The following KATNAL1 variants were observed in gnomAD, a reference collection of about 807,000 sequenced individuals.
The protein encoded by KATNAL1 is katanin p60 ATPase-containing subunit A-like 1.
A neutral mutation model predicts 55.2 loss-of-function variants in KATNAL1; 32 were observed. The ratio of observed to expected loss-of-function variants is 0.58; its 90% confidence interval spans 0.44 to 0.78. The LOEUF is 0.78. Among genes scored for constraint, KATNAL1 ranks in the 30% least tolerant of loss-of-function variants. KATNAL1 has a pLI of 0.00. For synonymous variants in KATNAL1, 193 were observed against 193.6 expected, an observed-to-expected ratio of 1.00 and a Z score of 0.02; for missense variants, 466 against 600.9, an observed-to-expected ratio of 0.78 and a Z score of 2.35.
intron 4 of KATNAL1, among the ~76,000 whole-genome samples, chr13:30,242,958 A>T (rs558412644): frequency 6.6e-6 from 1 of 152,336 alleles, no homozygotes; most frequent in South Asian, 2.1e-4. Flanking sequence ...ACAGACATCA[A>T]ATATAAACAG....
intron 9 of KATNAL1, among the ~76,000 whole-genome samples, chr13:30,220,191 T>C (rs1874701527): frequency 6.6e-6 from 1 of 152,140 alleles, no homozygotes; most frequent in African/African-American, 2.4e-5. Flanking sequence ...CTGGGCACAG[T>C]GGCTTATGCT....
At chr13:30,232,814 A>C (rs963267433) in intron 6 of KATNAL1, among the ~76,000 whole-genome samples, 9 of 152,118 alleles carry the variant, frequency 5.9e-5, no homozygotes, top group Non-Finnish European at 1.2e-4. Context: ...ATACAAATAT[A>C]CTTTAATCTG....
chr13:30,212,290 C>T (rs1873765106), intron 9 of KATNAL1, among the ~76,000 whole-genome samples: 1 of 152,204 alleles, frequency 6.6e-6, no homozygotes. Context: ...ATATTTGTAA[C>T]ATATATAAGC....
intron 9 of KATNAL1, among the ~76,000 whole-genome samples, chr13:30,226,940 G>A (rs891933339): frequency 8.5e-5 from 13 of 152,176 alleles, no homozygotes; most frequent in Admixed American, 2.0e-4. Context: ...GCTGGGTGTG[G>A]TGGTACACAC....
chr13:30,248,114 GC>G (rs769182370), intron 4 of KATNAL1, among the ~76,000 whole-genome samples: 10 of 152,154 alleles, frequency 6.6e-5, no homozygotes, highest in Non-Finnish European at 1.5e-4. Flanking sequence ...CTCTCACTTG[GC>G]AAGGCTGAAA....
At chr13:30,266,621 C>T (rs1474680423) in intron 3 of KATNAL1, among the ~76,000 whole-genome samples, 1 of 152,092 alleles carries the variant, frequency 6.6e-6, no homozygotes, top group African/African-American at 2.4e-5. Flanking sequence ...CCCTCATTAG[C>T]CCATTTTCTT....
intron 9 of KATNAL1, among the ~76,000 whole-genome samples, chr13:30,213,029 T>C (rs1036210280): frequency 1.6e-4 from 24 of 152,300 alleles, no homozygotes; most frequent in South Asian, 1.2e-3. Flanking sequence ...TGGCCACCTA[T>C]AGGCCAAGGA....
rs1253152481 is a variant in KATNAL1 at position 30,274,899 on chromosome 13, GCGCGCGCGCACACA to G, written c.323+5150_323+5163del. On this transcript the variant is annotated intron_variant, in intron 3 of 10. Transcript: ENST00000380615. ...GGTGTGTGCACACACATACGCGCGC[GCGCGCGCGCACACA>G]CACACACACACACACACACACACAC... 5.5e-3 allele frequency among the ~76,000 whole-genome samples: 619 copies of G among 112,340 alleles called. 6 individuals are homozygous for G. Among genetic ancestry groups the G allele is most frequent in the African/African-American group, 0.018 (417 of 22,944 alleles). The allele number at this position is 112,340 out of a possible 152,430, so 73.7% of individuals were successfully genotyped here.
chr13:30,292,115 G>GA (rs979885618), intron 1 of KATNAL1, among the ~76,000 whole-genome samples: 2 of 152,158 alleles, frequency 1.3e-5, no homozygotes, highest in African/African-American at 4.8e-5. Flanking sequence ...AAAGAAACTA[G>GA]AGAGTCAAGA....
At chr13:30,256,281 C>G (rs1424322909) in intron 3 of KATNAL1, among the ~76,000 whole-genome samples, 3 of 152,154 alleles carry the variant, frequency 2.0e-5, no homozygotes, top group Non-Finnish European at 4.4e-5. Flanking sequence ...AGTATGCATG[C>G]AAAATAACAT....
Position 30,238,834 on chromosome 13 carries a change from C to T in KATNAL1, c.726+1626G>A, listed in dbSNP as rs748600692. Among the ~76,000 whole-genome samples, 10 of 152,066 alleles carry T rather than the reference C, an allele frequency of 6.6e-5. No individual in the cohort carries two copies. In the South Asian group the frequency reaches 1.7e-3, roughly 25 times the overall value. ...ATAACAGGGCTAAATAAGTGCTTGA[C>T]GGATAAAGGAATGGTATCACACAAT... On this transcript the variant is annotated intron_variant, in intron 6 of 10. Transcript: ENST00000380615.
chr13:30,296,645 G>C (rs1882520661), intron 1 of KATNAL1: 2 of 686,466 alleles, frequency 2.9e-6, no homozygotes, highest in Non-Finnish European at 5.5e-6. Flanking sequence ...ACGAGCACAG[G>C]GAAGTTTGTC....
chr13:30,306,773 C>T (rs967603958), intron 1 of KATNAL1: 1 of 152,266 alleles, frequency 6.6e-6, no homozygotes, highest in African/African-American at 2.4e-5. Context: ...CGGTTCTGCA[C>T]CGAAAGGCAG....
At chr13:30,262,555 GA>G (rs1332283415) in intron 3 of KATNAL1, among the ~76,000 whole-genome samples, 1 of 152,174 alleles carries the variant, frequency 6.6e-6, no homozygotes, top group Non-Finnish European at 1.5e-5. Context: ...CGATCCCACA[GA>G]AATACAAACT....
Position 30,296,533 on chromosome 13 carries a change from T to C in KATNAL1, c.-15+10798A>G, listed in dbSNP as rs114359334. The C allele has an allele frequency of 1.6e-4, 121 of 735,646 alleles. 1 individual carries two copies. The African/African-American group carries it at 1.9e-3, about 11-fold the overall frequency. 45.6% of individuals were successfully genotyped at this position (735,646 alleles called of 1,614,324 possible). A position where few individuals can be genotyped will look rare whatever the true frequency, so the allele number is the denominator to read the frequency against. ...ATTGCCTACTGGGGCCTCTTTATCA[T>C]TGATGGCAAGGGTGTCCTTTGCCAG... On this transcript the variant is annotated intron_variant, in intron 1 of 10. Coordinates refer to ENST00000380615, the MANE Select transcript of KATNAL1 (RefSeq NM_032116.5).
At chr13:30,291,049 T>C (rs1405800494) in intron 1 of KATNAL1, among the ~76,000 whole-genome samples, 1 of 152,202 alleles carries the variant, frequency 6.6e-6, no homozygotes, top group Non-Finnish European at 1.5e-5. Context: ...ACAAGGATAT[T>C]TGCTCTCACC....
intron 4 of KATNAL1, among the ~76,000 whole-genome samples, chr13:30,248,722 C>T (rs1356576305): frequency 7.2e-5 from 11 of 152,014 alleles, no homozygotes; most frequent in African/African-American, 1.5e-4. Flanking sequence ...GTCAGGAGTT[C>T]GAGACCAGCC....
chr13:30,292,144 A>G (rs1882175544), intron 1 of KATNAL1, among the ~76,000 whole-genome samples: 2 of 152,336 alleles, frequency 1.3e-5, no homozygotes, highest in South Asian at 4.1e-4. Context: ...CATACATACA[A>G]AGCCAACTAA....
chr13:30,257,427 GC>G (rs1350864400), intron 3 of KATNAL1, among the ~76,000 whole-genome samples: 1 of 152,202 alleles, frequency 6.6e-6, no homozygotes, highest in Non-Finnish European at 1.5e-5. Context: ...TCAAGAGCTA[GC>G]CAGAGCCTCT....
Sources: allele counts gnomAD v4.1 joint callset (sites outside exome capture counted in the v4.1 genomes callset), GRCh38; gene constraint gnomAD v4.1.1; transcripts MANE v1.5; gene names NCBI Gene and HGNC (gene_info 2026-07-23, HGNC 2026-07-21).